MICAL2: variants seen among roughly 807,000 people sequenced by gnomAD.
MICAL2 encodes microtubule associated monooxygenase, calponin and LIM domain containing 2, also known as [F-actin]-monooxygenase MICAL2.
MICAL2 carries 77 observed loss-of-function variants against 127.3 expected under a neutral mutation model. The observed-to-expected ratio is 0.60, with a 90% CI of 0.50 to 0.73. The LOEUF (loss-of-function observed/expected upper bound fraction) is 0.73. MICAL2 is among the 30% of genes least tolerant of loss of function. The pLI is 0.00. For synonymous variants in MICAL2, 570 were observed against 551.1 expected, an observed-to-expected ratio of 1.03 and a Z score of -0.48; for missense variants, 1,351 against 1,434.4, an observed-to-expected ratio of 0.94 and a Z score of 0.94.
At chr11:12,336,984 G>C (rs1590743449) in intron 32 of MICAL2, among the ~76,000 whole-genome samples, 1 of 152,204 alleles carries the variant, frequency 6.6e-6, no homozygotes, top group East Asian at 1.9e-4. Context: ...AGTTAGGAAG[G>C]ATTCCTTCTT....
intron 29 of MICAL2, among the ~76,000 whole-genome samples, chr11:12,302,917 A>G (rs1448422687): frequency 6.6e-6 from 1 of 152,166 alleles, no homozygotes; most frequent in African/African-American, 2.4e-5. Context: ...AGACTGCATA[A>G]TTTATAAAGG....
intron 3 of MICAL2, among the ~76,000 whole-genome samples, chr11:12,175,322 A>C (rs1053894981): frequency 1.3e-5 from 2 of 151,966 alleles, no homozygotes; most frequent in Non-Finnish European, 2.9e-5. Context: ...CTAAAAATAC[A>C]AAAATTAGCC....
chr11:12,352,673 G>A (rs1340249734), intron 33 of MICAL2, among the ~76,000 whole-genome samples: 4 of 152,300 alleles, frequency 2.6e-5, no homozygotes, highest in South Asian at 4.1e-4. Flanking sequence ...TTTGGGAACC[G>A]GATGCCAAGA....
At chr11:12,251,643 G>A (rs917465188) in intron 22 of MICAL2, among the ~76,000 whole-genome samples, 12 of 151,348 alleles carry the variant, frequency 7.9e-5, no homozygotes, top group Non-Finnish European at 1.5e-4. Context: ...TGGGTGCCAC[G>A]GGGAGAAAGG....
chr11:12,355,965 T>A (rs63110660), intron 34 of MICAL2, among the ~76,000 whole-genome samples: 10 of 147,830 alleles, frequency 6.8e-5, no homozygotes, highest in East Asian at 4.0e-4. Flanking sequence ...ATTTTTTTTT[T>A]ATTTTTCTGT....
intron 3 of MICAL2, among the ~76,000 whole-genome samples, chr11:12,189,345 G>A (rs1858764021): frequency 6.6e-6 from 1 of 152,016 alleles, no homozygotes; most frequent in Admixed American, 6.6e-5. Context: ...GAGTACCTAT[G>A]GTCAGAAAAT....
intron 2 of MICAL2, among the ~76,000 whole-genome samples, chr11:12,282,290 T>C (rs917959327): frequency 1.3e-5 from 2 of 152,172 alleles, no homozygotes; most frequent in Admixed American, 1.3e-4. Context: ...GCACTGGCAC[T>C]GAACTGAGTA....
chr11:12,294,511 G>A, downstream of MICAL2: 1 of 1,614,024 alleles, frequency 6.2e-7, no homozygotes, highest in African/African-American at 1.3e-5. Context: ...CTGCACTTAG[G>A]TCCCCACCCT....
chr11:12,239,308 TC>T (rs1859540086), intron 16 of MICAL2, 127 bp from the exon 17 acceptor site: 1 of 1,306,476 alleles, frequency 7.7e-7, no homozygotes. Flanking sequence ...TGCCTCTGCC[TC>T]CCTTCCTCAG....
chr11:12,346,869 A>C (rs1262608262), intron 32 of MICAL2, among the ~76,000 whole-genome samples: 1 of 152,188 alleles, frequency 6.6e-6, no homozygotes, highest in Non-Finnish European at 1.5e-5. Context: ...AAACCTAAGA[A>C]AGATTAACAC....
At chr11:12,278,402 C>T (rs1054691996) in intron 1 of MICAL2, among the ~76,000 whole-genome samples, 7 of 152,160 alleles carry the variant, frequency 4.6e-5, no homozygotes, top group South Asian at 2.1e-4. Flanking sequence ...ACTGCAAACA[C>T]GTGAGTGACA....
chr11:12,324,426 A>G (rs1164195575), intron 31 of MICAL2, among the ~76,000 whole-genome samples: 1 of 152,182 alleles, frequency 6.6e-6, no homozygotes, highest in African/African-American at 2.4e-5. Context: ...ATCTTCCACC[A>G]ACTCCCTGAC....
chr11:12,273,470 G>A (rs117928484), upstream of MICAL2, among the ~76,000 whole-genome samples: 331 of 151,126 alleles, frequency 2.2e-3, 11 homozygotes, highest in East Asian at 0.05. Context: ...GTGTAGACAC[G>A]TGCACACAGC....
chr11:12,224,863 C>G (rs1857230532), intron 13 of MICAL2, 43 bp downstream of exon 13: 2 of 1,582,080 alleles, frequency 1.3e-6, no homozygotes, highest in East Asian at 2.3e-5. Flanking sequence ...CGAGGGATGC[C>G]AAGGCCATTC....
intron 9 of MICAL2, 149 bp from the exon 10 acceptor site, chr11:12,221,495 C>T (rs917240780): frequency 3.9e-5 from 21 of 535,330 alleles, no homozygotes; most frequent in Admixed American, 3.2e-5. Flanking sequence ...TGTGATGAAT[C>T]CTCATAGGTA....
chr11:12,230,212 G>T (rs1474522632), intron 15 of MICAL2, among the ~76,000 whole-genome samples: 1 of 152,168 alleles, frequency 6.6e-6, no homozygotes, highest in Non-Finnish European at 1.5e-5. Context: ...GAACCGAATG[G>T]CAATGCTCTT....
intron 1 of MICAL2, among the ~76,000 whole-genome samples, chr11:12,279,636 C>A (rs963384495): frequency 6.6e-6 from 1 of 152,204 alleles, no homozygotes; most frequent in Non-Finnish European, 1.5e-5. Context: ...CTCATTCAGG[C>A]AGGGCAGGAG....
At chr11:12,351,612 G>A (rs931076117) in intron 33 of MICAL2, among the ~76,000 whole-genome samples, 2 of 152,284 alleles carry the variant, frequency 1.3e-5, no homozygotes, top group East Asian at 3.9e-4. Flanking sequence ...AGAGGAGTGA[G>A]TTGAGCTCAC....
At chr11:12,352,248 G>A (rs888378191) in intron 33 of MICAL2, among the ~76,000 whole-genome samples, 3 of 152,214 alleles carry the variant, frequency 2.0e-5, no homozygotes, top group African/African-American at 4.8e-5. Flanking sequence ...TATTTTAAAA[G>A]TGTAAAAAAT....
Sources: gnomAD v4.1 joint callset for allele counts (sites outside exome capture counted in the v4.1 genomes callset) on GRCh38, gnomAD v4.1.1 for gene constraint, MANE v1.5 for transcripts, NCBI Gene and HGNC (gene_info 2026-07-23, HGNC 2026-07-21) for gene names.